CHKA: variants seen among roughly 807,000 people sequenced by gnomAD.
CHKA encodes the protein choline kinase alpha.
Under a neutral mutation model 60.1 loss-of-function variants are expected in CHKA, and 34 were observed. The ratio of observed to expected loss-of-function variants is 0.57; its 90% CI spans 0.43 to 0.75. The LOEUF (loss-of-function observed/expected upper bound fraction) is 0.75, where lower values mean the gene tolerates loss of function less well. Among genes scored for constraint, CHKA ranks in the 30% least tolerant of loss-of-function variants. The pLI, the probability that CHKA is intolerant of heterozygous loss-of-function variation, is 0.00. For synonymous variants in CHKA, 217 were observed against 223.1 expected, an observed-to-expected ratio of 0.97 and a Z score of 0.24; for missense variants, 563 against 561.3, an observed-to-expected ratio of 1.00 and a Z score of -0.03.
chr11:68,105,665 G>A (rs1409692533), intron 1 of CHKA, among the ~76,000 whole-genome samples: 3 of 151,798 alleles, frequency 2.0e-5, no homozygotes, highest in Admixed American at 1.3e-4. Flanking sequence ...ATGTGAATCC[G>A]CTGAATGAAT....
At chr11:68,061,645 T>C in intron 11 of CHKA, 1 of 475,768 alleles carries the variant, frequency 2.1e-6, no homozygotes, top group Non-Finnish European at 4.2e-6. Flanking sequence ...ACTTCGAGGG[T>C]GCAGATGCCT....
chr11:68,075,568 A>G (rs1227877220), intron 3 of CHKA, among the ~76,000 whole-genome samples: 1 of 152,140 alleles, frequency 6.6e-6, no homozygotes, highest in East Asian at 1.9e-4. Flanking sequence ...CTTAAACAGC[A>G]CATTACAGCA....
At chr11:68,093,018 T>C (rs1217820165) in intron 2 of CHKA, among the ~76,000 whole-genome samples, 1 of 150,684 alleles carries the variant, frequency 6.6e-6, no homozygotes, top group Non-Finnish European at 1.5e-5. Context: ...TTTTTTTTTT[T>C]TTTTTTTGAG....
At chr11:68,112,610 T>C (rs1160827321) in intron 1 of CHKA, among the ~76,000 whole-genome samples, 1 of 152,136 alleles carries the variant, frequency 6.6e-6, no homozygotes, top group African/African-American at 2.4e-5. Flanking sequence ...AAGAAATAAT[T>C]GATAGGCCAG....
chr11:68,060,032 C>CTTTTTTTTTTTTTT lies in CHKA; in HGVS notation c.1314+1920_1314+1921insAAAAAAAAAAAAAA, dbSNP rs377176560. ...TTTGTTTCTGAGATAGAGTTTCACTCTTTTTTTTTTGAGACCCAGAGTCTC... is the reference window on the plus strand; with the variant it reads ...TTTGTTTCTGAGATAGAGTTTCACTCTTTTTTTTTTTTTTTTTTTTTTTTGAGACCCAGAGTCTC... On this transcript the variant is annotated intron_variant, in intron 11 of 11. Coordinates refer to ENST00000265689, the MANE Select transcript of CHKA (RefSeq NM_001277.3). Among the ~76,000 whole-genome samples the CTTTTTTTTTTTTTT allele has an allele frequency of 2.5e-3, 339 of 134,116 alleles. 10 individuals carry two copies. Among genetic ancestry groups the CTTTTTTTTTTTTTT allele is most frequent in the African/African-American group, 4.2e-3 (149 of 35,236 alleles). 88.0% of individuals were successfully genotyped at this position (134,116 alleles called of 152,430 possible).
intron 1 of CHKA, among the ~76,000 whole-genome samples, chr11:68,119,247 C>T (rs919431128): frequency 2.0e-5 from 3 of 152,170 alleles, no homozygotes; most frequent in South Asian, 4.1e-4. Flanking sequence ...TCACTCTTAG[C>T]TCATAAGCAG....
At chr11:68,054,177 G>C (rs1855911253) in intron 11 of CHKA, 130 bp from the exon 12 acceptor site, 1 of 739,474 alleles carries the variant, frequency 1.4e-6, no homozygotes, top group South Asian at 1.7e-5. Context: ...CACAGGACTG[G>C]CCTGTGCAGC....
intron 4 of CHKA, 142 bp from the exon 5 acceptor site, chr11:68,070,999 C>G: frequency 1.3e-6 from 1 of 763,058 alleles, no homozygotes; most frequent in Non-Finnish European, 2.1e-6. Context: ...AGAATGGACA[C>G]TGTGTCCCTA....
intron 1 of CHKA, among the ~76,000 whole-genome samples, chr11:68,113,289 T>G (rs1858248957): frequency 6.6e-6 from 1 of 151,236 alleles, no homozygotes. Context: ...CTTAAAAAAA[T>G]AAAAAGGAAA....
At chr11:68,056,764 A>G (rs1856032057) in intron 11 of CHKA, among the ~76,000 whole-genome samples, 1 of 152,104 alleles carries the variant, frequency 6.6e-6, no homozygotes, top group Non-Finnish European at 1.5e-5. Context: ...AGTCCCAGCT[A>G]CTTGGAAGGT....
intron 11 of CHKA, among the ~76,000 whole-genome samples, chr11:68,055,102 G>C (rs1006106465): frequency 1.3e-5 from 2 of 152,162 alleles, no homozygotes; most frequent in African/African-American, 4.8e-5. Context: ...GATTATAAAT[G>C]AAGGTGCAGA....
chr11:68,060,326 C>T (rs1856188642), intron 11 of CHKA, among the ~76,000 whole-genome samples: 3 of 151,122 alleles, frequency 2.0e-5, no homozygotes, highest in Admixed American at 2.0e-4. Flanking sequence ...GCCACCGCAC[C>T]CGGCCAGAGT....
At chr11:68,104,155 A>G (rs1284477952) in intron 1 of CHKA, among the ~76,000 whole-genome samples, 1 of 152,310 alleles carries the variant, frequency 6.6e-6, no homozygotes, top group Non-Finnish European at 1.5e-5. Context: ...TAAGCCTTAT[A>G]AAAGCAGGAA....
At chr11:68,073,391 C>CACCT in intron 4 of CHKA, among the ~76,000 whole-genome samples, 1 of 152,228 alleles carries the variant, frequency 6.6e-6, no homozygotes, top group East Asian at 1.9e-4. Flanking sequence ...CGGTGGTTCA[C>CACCT]ACCTGTAATC....
rs369215915 is a variant in CHKA, at chr11:68,074,744, G to A, written c.603C>T (p.Pro201=). The A allele has an allele frequency of 9.3e-6, 15 of 1,614,058 alleles. No homozygotes were observed. The African/African-American group carries it at 1.9e-4, about 20-fold the overall frequency. Residue 201 remains proline (P), a synonymous_variant, in exon 4 of 12, where the codon CCC becomes CCT. Coordinates refer to ENST00000265689, the MANE Select transcript of CHKA (RefSeq NM_001277.3). ...SLGPKLYGIF[P]QGRLEQFIPS... ...GGATGAACTGCTCCAGTCGGCCTTG[G>A]GGAAAGATGCCATAGAGTTTTGGCC...
In CHKA at chr11:68,070,755, C is replaced by T; in HGVS notation, c.733G>A (p.Glu245Lys). ...FHGMKMPFNKEPKWLFGTMEK... is the reference protein window; with the variant it reads ...FHGMKMPFNKKPKWLFGTMEK... ...ATTGTGCCAAAAAGCCATTTTGGTT[C>T]CTTATTGAATGGCATTTTCATACCA... Residue 245 changes from glutamate to lysine, a missense_variant, in exon 5 of 12, where the codon GAA becomes AAA. By Grantham distance (56) the Glu-to-Lys change is moderately conservative. Coordinates refer to ENST00000265689, the MANE Select transcript of CHKA (RefSeq NM_001277.3). 1.2e-6 allele frequency: 2 copies of T among 1,612,634 alleles called. No individual in the cohort carries two copies. The highest frequency in any genetic ancestry group is 1.7e-6 in the Non-Finnish European group (2 of 1,178,824).
At chr11:68,084,273 C>T (rs1483780739) in intron 2 of CHKA, among the ~76,000 whole-genome samples, 6 of 142,462 alleles carry the variant, frequency 4.2e-5, no homozygotes, top group African/African-American at 7.8e-5. Context: ...TACATATATA[C>T]GTATATATAC....
chr11:68,084,316 GTA>G (rs571314980), intron 2 of CHKA, among the ~76,000 whole-genome samples: 2 of 132,506 alleles, frequency 1.5e-5, no homozygotes, highest in African/African-American at 5.6e-5. Context: ...ATATACATGT[GTA>G]TATATATACA....
rs113461241 is a variant in CHKA, at chr11:68,100,642, C to T, written c.351-3512G>A. 2.8e-4 allele frequency among the ~76,000 whole-genome samples: 41 copies of T among 145,862 alleles called. No homozygotes were observed. The South Asian group carries it at 6.4e-3, about 23-fold the overall frequency. ...ATAAATAAATAAATAAATACAAGAG[C>T]GAAACATCATCTCCAATAAATAAAT... On this transcript the variant is annotated intron_variant, in intron 1 of 11. Transcript: ENST00000265689.
Sources: gnomAD v4.1 joint callset for allele counts (sites outside exome capture counted in the v4.1 genomes callset) on GRCh38, gnomAD v4.1.1 for gene constraint, MANE v1.5 for transcripts, NCBI Gene and HGNC (gene_info 2026-07-23, HGNC 2026-07-21) for gene names.